Variants in MTMR8 observed in about 807,000 individuals in gnomAD.
MTMR8 encodes myotubularin related protein 8, also known as phosphatidylinositol-3,5-bisphosphate 3-phosphatase MTMR8.
Under a neutral mutation model 39.3 loss-of-function variants are expected in MTMR8, and 65 were observed. The observed-to-expected ratio is 1.65, with a 90% CI of 1.35 to 2.03. MTMR8 has a LOEUF of 2.03. MTMR8 is among the 30% of genes most tolerant of loss of function. The pLI is 0.00. For synonymous variants in MTMR8, 245 were observed against 185.2 expected (o/e 1.32, Z -2.62); for missense variants, 777 against 538.9 (o/e 1.44, Z -4.37).
intron 13 of MTMR8, among the ~76,000 whole-genome samples, chrX:64,269,807 T>TTGTCTGGG (rs1931718790): frequency 9.0e-6 from 1 of 111,498 alleles, no homozygotes; most frequent in African/African-American, 3.3e-5. Flanking sequence ...GTCAACAGGG[T>TTGTCTGGG]TGTCTGGGTG....
At chrX:64,381,659 T>C (rs1924428290) in intron 1 of MTMR8, among the ~76,000 whole-genome samples, 1 of 111,402 alleles carries the variant, frequency 9.0e-6, no homozygotes, top group Non-Finnish European at 1.9e-5. Context: ...TTTGGTGTTT[T>C]AGACATGAAG....
intron 12 of MTMR8, among the ~76,000 whole-genome samples, chrX:64,303,811 A>G (rs1345484929): frequency 8.9e-6 from 1 of 112,510 alleles, no homozygotes; most frequent in Non-Finnish European, 1.9e-5. Context: ...GTATTCTAAC[A>G]CAACTGAAAC....
intron 12 of MTMR8, among the ~76,000 whole-genome samples, chrX:64,288,498 C>A (rs1027732490): frequency 1.8e-5 from 2 of 111,481 alleles, no homozygotes; most frequent in Non-Finnish European, 1.9e-5. Context: ...TACCATTTGA[C>A]CCAGCAATCC....
chrX:64,382,712 C>T (rs1924460818), intron 1 of MTMR8, among the ~76,000 whole-genome samples: 1 of 111,521 alleles, frequency 9.0e-6, no homozygotes, highest in African/African-American at 3.3e-5. Context: ...CCAGTTTTTG[C>T]CCATTCAGTA....
chrX:64,280,294 C>A (rs1931974200), intron 12 of MTMR8, among the ~76,000 whole-genome samples: 1 of 111,779 alleles, frequency 8.9e-6, no homozygotes, highest in South Asian at 3.7e-4. Context: ...ATGCAAAAAT[C>A]CTCAATAAAA....
At chrX:64,376,110 C>T (rs1228945874) in intron 1 of MTMR8, among the ~76,000 whole-genome samples, 1 of 112,211 alleles carries the variant, frequency 8.9e-6, no homozygotes, top group Non-Finnish European at 1.9e-5. Flanking sequence ...AGCTGTGAGT[C>T]AATTAAACCT....
In MTMR8 at chrX:64,351,821, A is replaced by G. The variant is rs184786439; in HGVS notation, c.469-1751T>C. Among the ~76,000 whole-genome samples the G allele has an allele frequency of 4.5e-5, 5 of 111,293 alleles. No individual in the cohort carries two copies. In the East Asian group the frequency reaches 1.4e-3, roughly 32 times the overall value. On this transcript the variant is annotated intron_variant, in intron 4 of 13. Transcript: ENST00000374852. Reference sequence around the variant, plus strand: ...ACTGGAAGATTCAGCAAGTCTGCTCATTCCACCTTCTTCTGCCTGCTTTTT... The same window carrying G: ...ACTGGAAGATTCAGCAAGTCTGCTCGTTCCACCTTCTTCTGCCTGCTTTTT...
intron 1 of MTMR8, among the ~76,000 whole-genome samples, chrX:64,376,355 T>C (rs1378017335): frequency 8.9e-6 from 1 of 111,828 alleles, no homozygotes. Context: ...GTGACCAAAA[T>C]GTTGATAGTG....
At chrX:64,306,438 A>T (rs974901227) in intron 12 of MTMR8, 3 of 155,778 alleles carry the variant, frequency 1.9e-5, no homozygotes, top group African/African-American at 9.4e-5. Context: ...GTAGACTTCG[A>T]TCACTGGACA....
Position 64,354,850 on chromosome X carries a change from G to T in MTMR8, c.395C>A (p.Pro132Gln), listed in dbSNP as rs1372855114. The stretch of plus-strand genomic sequence containing the variant: ...TCCCATACGCCCAAAGTCTGATATT[G>T]GGTCAATCAGTTTCCATCCACTTTC... ...MRESGWKLID[P>Q]ISDFGRMGIP... Residue 132 changes from proline to glutamine, a missense_variant, in exon 4 of 14, where the codon CCA (proline) becomes CAA (glutamine). By Grantham distance (76) the Pro-to-Gln change is moderately conservative. Transcript: ENST00000374852. 1.7e-6 allele frequency: 2 copies of T among 1,205,149 alleles called. No homozygotes were observed. The highest frequency in any genetic ancestry group is 1.8e-5 in the South Asian group (1 of 56,351).
At chrX:64,353,862 G>A (rs1434368110) in intron 4 of MTMR8, among the ~76,000 whole-genome samples, 2 of 110,837 alleles carry the variant, frequency 1.8e-5, no homozygotes, top group East Asian at 2.9e-4. Flanking sequence ...AAGAGATTGA[G>A]GCTACACTGA....
At chrX:64,356,037 C>T (rs915891409) in intron 3 of MTMR8, 139 bp downstream of exon 3, 2 of 565,991 alleles carry the variant, frequency 3.5e-6, no homozygotes, top group Non-Finnish European at 5.6e-6. Flanking sequence ...GGTTATATAA[C>T]TTGCCCAAAT....
chrX:64,300,355 T>C (rs1417432754), intron 12 of MTMR8, among the ~76,000 whole-genome samples: 1 of 111,727 alleles, frequency 9.0e-6, no homozygotes, highest in Non-Finnish European at 1.9e-5. Context: ...TCTTTTGATC[T>C]TTGTTGGTTT....
chrX:64,314,252 G>T (rs1338129560), intron 12 of MTMR8, among the ~76,000 whole-genome samples: 4 of 113,031 alleles, frequency 3.5e-5, no homozygotes, highest in African/African-American at 9.6e-5. Flanking sequence ...ATCTTTGTTT[G>T]CATGTGTCAG....
At chrX:64,375,027 T>A (rs1387833797) in intron 1 of MTMR8, among the ~76,000 whole-genome samples, 32 of 74,796 alleles carry the variant, frequency 4.3e-4, no homozygotes, top group Non-Finnish European at 6.4e-4. Context: ...GGTGAGGGAA[T>A]AAATTTCTAT....
At position 64,322,839 on chromosome X, in the gene MTMR8, A is replaced by G. The variant is rs767898032; in HGVS notation, c.1481+5933T>C. ...CACATTCAGGTGACTGCAGCAACCAACCCTAGCCTCTCAGAGCCTAAGTCC... is the reference window on the plus strand; with the variant it reads ...CACATTCAGGTGACTGCAGCAACCAGCCCTAGCCTCTCAGAGCCTAAGTCC... On this transcript the variant is annotated intron_variant, in intron 12 of 13. Transcript: ENST00000374852. 2.7e-5 allele frequency among the ~76,000 whole-genome samples: 3 copies of G among 112,480 alleles called. No homozygotes were observed. In the Admixed American group the frequency reaches 2.8e-4, roughly 11 times the overall value.
intron 8 of MTMR8, among the ~76,000 whole-genome samples, chrX:64,339,662 T>G (rs1923165749): frequency 9.0e-6 from 1 of 110,704 alleles, no homozygotes. Flanking sequence ...TTGAAAAGAA[T>G]AGGTTGAAAA....
rs755360382 is a variant in MTMR8, at chrX:64,306,384, T to C, written c.1481+22388A>G. 6 of 210,163 alleles carry C rather than the reference T, an allele frequency of 2.9e-5. No homozygotes were observed. The South Asian group carries it at 3.3e-4, about 11-fold the overall frequency. The allele number at this position is 210,163 out of a possible 1,213,427, so 17.3% of individuals were successfully genotyped here. On this transcript the variant is annotated intron_variant, in intron 12 of 13. Coordinates refer to ENST00000374852, the MANE Select transcript of MTMR8 (RefSeq NM_017677.4). The stretch of plus-strand genomic sequence containing the variant: ...AGCATTGTCATCTCTTTCAAGACAA[T>C]AGACTAGAACAGGTAGTATTCCAGA...
At chrX:64,349,452 C>T (rs1421744162) in intron 5 of MTMR8, among the ~76,000 whole-genome samples, 2 of 111,223 alleles carry the variant, frequency 1.8e-5, no homozygotes, top group Non-Finnish European at 3.8e-5. Flanking sequence ...ATTTGTCTAA[C>T]CCCAGATCTC....
Sources: allele counts gnomAD v4.1 joint callset (sites outside exome capture counted in the v4.1 genomes callset), GRCh38; gene constraint gnomAD v4.1.1; transcripts MANE v1.5; gene names NCBI Gene and HGNC (gene_info 2026-07-23, HGNC 2026-07-21).